Variants in HDAC9 observed in about 807,000 individuals in gnomAD.
The protein encoded by HDAC9 is histone deacetylase 9, also known as MEF-2 interacting transcription repressor (MITR) protein.
Under a neutral mutation model 139.4 loss-of-function variants are expected in HDAC9, and 41 were observed. That is an observed-to-expected ratio of 0.29 (90% CI 0.23 to 0.38). The LOEUF is 0.38. Among genes scored for constraint, HDAC9 ranks in the 10% least tolerant of loss-of-function variants. HDAC9 has a pLI of 1.00. For synonymous variants in HDAC9, 517 were observed against 476.2 expected (o/e 1.09, Z -1.12); for missense variants, 1,147 against 1,297.0 (o/e 0.88, Z 1.78).
At chr7:18,747,759 C>A (rs1788108985) in intron 13 of HDAC9, among the ~76,000 whole-genome samples, 1 of 152,180 alleles carries the variant, frequency 6.6e-6, no homozygotes, top group Admixed American at 6.5e-5. Flanking sequence ...AAATTATATT[C>A]TTTTGTTAGA....
intron 1 of HDAC9, among the ~76,000 whole-genome samples, chr7:18,098,451 TAG>T (rs1782648892): frequency 6.6e-6 from 1 of 152,248 alleles, no homozygotes; most frequent in Non-Finnish European, 1.5e-5. Flanking sequence ...TGTTTACTGC[TAG>T]AGATTTAATT....
chr7:18,436,276 C>T (rs1180636139), intron 1 of HDAC9, among the ~76,000 whole-genome samples: 1 of 152,116 alleles, frequency 6.6e-6, no homozygotes, highest in Non-Finnish European at 1.5e-5. Flanking sequence ...ATTTCTACTT[C>T]AAATAAAATT....
chr7:18,929,831 C>G (rs1326088023), intron 22 of HDAC9, among the ~76,000 whole-genome samples: 13 of 151,780 alleles, frequency 8.6e-5, no homozygotes, highest in Admixed American at 8.5e-4. Flanking sequence ...TCCAGCTACT[C>G]GGGAGGCTGA....
At chr7:18,139,568 G>T (rs1256514056) in intron 1 of HDAC9, among the ~76,000 whole-genome samples, 1 of 152,136 alleles carries the variant, frequency 6.6e-6, no homozygotes, top group African/African-American at 2.4e-5. Flanking sequence ...AAACTGTTTT[G>T]TAATATGTTG....
At chr7:18,782,776 T>C (rs1791358669) in intron 16 of HDAC9, among the ~76,000 whole-genome samples, 1 of 152,082 alleles carries the variant, frequency 6.6e-6, no homozygotes, top group African/African-American at 2.4e-5. Flanking sequence ...TTAAGCACTT[T>C]ATATGTATTG....
intron 12 of HDAC9, among the ~76,000 whole-genome samples, chr7:18,703,560 A>G (rs545687492): frequency 3.3e-5 from 5 of 152,328 alleles, no homozygotes; most frequent in Admixed American, 2.6e-4. Flanking sequence ...GCATAGCAGC[A>G]TAATCTGGCA....
chr7:18,162,209 G>C, intron 1 of HDAC9: 1 of 859,758 alleles, frequency 1.2e-6, no homozygotes, highest in Non-Finnish European at 1.9e-6. Flanking sequence ...CTTAAACACT[G>C]CATTTTTCTT....
intron 2 of HDAC9, among the ~76,000 whole-genome samples, chr7:18,167,453 A>C (rs1788085550): frequency 6.6e-6 from 1 of 152,118 alleles, no homozygotes; most frequent in South Asian, 2.1e-4. Context: ...TGGGTAATTC[A>C]ACTTATATAA....
intron 2 of HDAC9, among the ~76,000 whole-genome samples, chr7:18,258,432 C>G (rs755759646): frequency 2.1e-4 from 32 of 152,086 alleles, no homozygotes; most frequent in African/African-American, 7.2e-4. Flanking sequence ...CATCCATTAC[C>G]CCAAGCAATG....
chr7:18,156,830 G>T (rs1258029577), intron 1 of HDAC9, among the ~76,000 whole-genome samples: 1 of 152,194 alleles, frequency 6.6e-6, no homozygotes, highest in African/African-American at 2.4e-5. Flanking sequence ...TGGCTTTAAA[G>T]AATTCAAGAT....
At chr7:18,129,629 C>T (rs1434672657) in intron 1 of HDAC9, among the ~76,000 whole-genome samples, 1 of 152,052 alleles carries the variant, frequency 6.6e-6, no homozygotes, top group Non-Finnish European at 1.5e-5. Context: ...TTTGCATATT[C>T]AATTATCTGT....
intron 1 of HDAC9, among the ~76,000 whole-genome samples, chr7:18,353,706 C>T (rs898774034): frequency 2.2e-4 from 33 of 152,172 alleles, no homozygotes; most frequent in African/African-American, 7.7e-4. Flanking sequence ...CATTGACCTA[C>T]ACATTTGGAT....
intron 12 of HDAC9, among the ~76,000 whole-genome samples, chr7:18,708,813 AAC>A (rs1488773349): frequency 6.6e-6 from 1 of 152,112 alleles, no homozygotes; most frequent in Admixed American, 6.5e-5. Context: ...GGACTGTGAA[AAC>A]ACAGTTTCTT....
intron 21 of HDAC9, among the ~76,000 whole-genome samples, chr7:18,838,139 T>A (rs749479207): frequency 2.6e-5 from 4 of 152,106 alleles, no homozygotes; most frequent in Non-Finnish European, 4.4e-5. Flanking sequence ...TTGTTACGGC[T>A]AGGTCAAACA....
chr7:18,570,497 GTAT>G (rs1328202086), intron 2 of HDAC9, among the ~76,000 whole-genome samples: 1 of 152,186 alleles, frequency 6.6e-6, no homozygotes, highest in Non-Finnish European at 1.5e-5. Flanking sequence ...AGTCTCATCT[GTAT>G]CAAGGCATAC....
At chr7:18,893,516 G>T (rs1800883843) in intron 22 of HDAC9, among the ~76,000 whole-genome samples, 1 of 152,106 alleles carries the variant, frequency 6.6e-6, no homozygotes, top group Admixed American at 6.5e-5. Flanking sequence ...TGTCTAAAAT[G>T]GTACTCCCTG....
At chr7:18,332,577 A>T (rs1407941324) in intron 1 of HDAC9, among the ~76,000 whole-genome samples, 1 of 151,318 alleles carries the variant, frequency 6.6e-6, no homozygotes. Context: ...CACAGGGATT[A>T]AAAAAAATGT....
At chr7:18,852,418 A>G (rs1797369655) in intron 21 of HDAC9, among the ~76,000 whole-genome samples, 1 of 152,176 alleles carries the variant, frequency 6.6e-6, no homozygotes, top group Non-Finnish European at 1.5e-5. Flanking sequence ...ACATACTATC[A>G]TTCCTATTCT....
chr7:18,800,485 G>A (rs529543803), intron 17 of HDAC9, among the ~76,000 whole-genome samples: 220 of 152,258 alleles, frequency 1.4e-3, no homozygotes, highest in Non-Finnish European at 2.4e-3. Context: ...TTGTTTCTGA[G>A]CATATGTTTA....
Sources: allele counts gnomAD v4.1 joint callset (sites outside exome capture counted in the v4.1 genomes callset), GRCh38; gene constraint gnomAD v4.1.1; transcripts MANE v1.5; gene names NCBI Gene and HGNC (gene_info 2026-07-23, HGNC 2026-07-21).